ZNF224: variants seen among roughly 807,000 people sequenced by gnomAD.
ZNF224 encodes the protein zinc finger protein 224, also known as bone marrow zinc finger 2.
ZNF224 carries 8 observed loss-of-function variants against 10.5 expected under a neutral mutation model. The observed-to-expected ratio is 0.76, with a 90% confidence interval of 0.45 to 1.37. ZNF224 has a LOEUF of 1.37. ZNF224 is among the 40% of genes most tolerant of loss of function. The pLI, the probability that ZNF224 is intolerant of heterozygous loss-of-function variation, is 0.00. For missense variants in ZNF224, 754 were observed against 854.0 expected (o/e 0.88, Z 1.46); for synonymous variants, 282 against 287.8 (o/e 0.98, Z 0.20).
chr19:44,108,294 G>A lies in ZNF224; in HGVS notation c.*10G>A. 6.3e-7 allele frequency: 1 copy of A among 1,595,910 alleles called. No individual in the cohort carries two copies. Among genetic ancestry groups the A allele is most frequent in the Non-Finnish European group, 8.5e-7 (1 of 1,171,028 alleles). On this transcript the variant is annotated 3_prime_UTR_variant, in exon 6 of 6. Coordinates refer to ENST00000693561, the MANE Select transcript of ZNF224 (RefSeq NM_001321645.3). Reference sequence around the variant, plus strand: ...TGGAGAAAAACCTTAGTGATGTGATGGTGCAATAAAGTCTTCACTCAGTCT... The same window carrying A: ...TGGAGAAAAACCTTAGTGATGTGATAGTGCAATAAAGTCTTCACTCAGTCT...
chr19:44,099,214 A>G (rs1967500200), intron 3 of ZNF224, among the ~76,000 whole-genome samples: 1 of 152,154 alleles, frequency 6.6e-6, no homozygotes, highest in South Asian at 2.1e-4. Flanking sequence ...GGAGGGGGGC[A>G]TCTTCTCTTC....
intron 2 of ZNF224, among the ~76,000 whole-genome samples, chr19:44,096,798 T>A (rs1383681608): frequency 6.6e-6 from 1 of 152,240 alleles, no homozygotes; most frequent in African/African-American, 2.4e-5. Context: ...TGCTTGATAT[T>A]TTTGAAGAGT....
At chr19:44,098,987 TA>T (rs1273714647) in intron 3 of ZNF224, among the ~76,000 whole-genome samples, 16 of 152,352 alleles carry the variant, frequency 1.1e-4, no homozygotes. Context: ...ATCTTCCTCT[TA>T]AACACATGAA....
chr19:44,104,808 C>CATA (rs1967618951), intron 5 of ZNF224, among the ~76,000 whole-genome samples: 1 of 152,096 alleles, frequency 6.6e-6, no homozygotes, highest in Admixed American at 6.5e-5. Flanking sequence ...ACTACAGGCG[C>CATA]CCGCCACCAT....
chr19:44,106,263 TG>T, intron 5 of ZNF224, 132 bp from the exon 6 acceptor site: 1 of 923,314 alleles, frequency 1.1e-6, no homozygotes, highest in Non-Finnish European at 1.6e-6. Context: ...CCAAAGATTA[TG>T]GTGCACTTGA....
rs762041614 is a variant in ZNF224 at position 44,108,197 on chromosome 19, A to G, written c.2037A>G (p.Thr679=). ...AGAGGGTCCACATGGGAGAGAAAAC[A>G]TGGAAGTGTAGGGAGTGTGATATGT... is the stretch of plus-strand genomic sequence containing the variant. ...MHQRVHMGEK[T]WKCRECDMCF... Residue 679 remains threonine (T), a synonymous_variant, in exon 6 of 6, where the codon ACA becomes ACG. Coordinates refer to ENST00000693561, the MANE Select transcript of ZNF224 (RefSeq NM_001321645.3). 2 of 1,614,162 alleles carry G rather than the reference A, an allele frequency of 1.2e-6. No individual in the cohort carries two copies. The highest frequency in any genetic ancestry group is 1.7e-6 in the Non-Finnish European group (2 of 1,179,956).
Position 44,107,242 on chromosome 19 carries a change from C to A in ZNF224, c.1082C>A (p.Thr361Lys). ...KGFICRRDLYTHHMVHTGEKP... is the reference protein window; with the variant it reads ...KGFICRRDLYKHHMVHTGEKP... ...TTTATTTGTAGGCGAGATCTTTATA[C>A]GCATCATATGGTCCACACGGGAGAA... is the stretch of plus-strand genomic sequence containing the variant. Residue 361 changes from threonine (T) to lysine (K), a missense_variant, in exon 6 of 6, where the codon ACG (threonine) becomes AAG (lysine). Thr to Lys is a moderately conservative substitution (Grantham distance 78). Transcript: ENST00000693561. 1.3e-6 allele frequency: 2 copies of A among 1,595,376 alleles called. No individual in the cohort carries two copies. The highest frequency in any genetic ancestry group is 1.7e-6 in the Non-Finnish European group (2 of 1,170,186).
In ZNF224 at chr19:44,107,154, AATAGTC is replaced by A; in HGVS notation, c.997_1002del (p.Ser333_His334del). On this transcript the variant is annotated inframe_deletion, in exon 6 of 6. Coordinates refer to ENST00000693561, the MANE Select transcript of ZNF224 (RefSeq NM_001321645.3). Reference sequence around the variant, plus strand: ...GAGCTTTCGTCAGAGATCAGCACTTAATAGTCATCGCATGATCCACACAGGAGAGAA... The same window carrying A: ...GAGCTTTCGTCAGAGATCAGCACTTAATCGCATGATCCACACAGGAGAGAA... The A allele has an allele frequency of 6.2e-7, 1 of 1,607,536 alleles. No homozygotes were observed. The highest frequency in any genetic ancestry group is 1.7e-5 in the Admixed American group (1 of 59,400).
chr19:44,097,905 T>A lies in ZNF224; in HGVS notation c.15+17T>A. On this transcript the variant is annotated intron_variant, in intron 3 of 5. Transcript: ENST00000693561. ...ACGTTCAAGGTGGGTAGGACTTGCTTCTATTACTCTTAAAATTCCCTCTCA... is the reference window on the plus strand; with the variant it reads ...ACGTTCAAGGTGGGTAGGACTTGCTACTATTACTCTTAAAATTCCCTCTCA... The A allele has an allele frequency of 6.2e-7, 1 of 1,613,846 alleles. No homozygotes were observed. Among genetic ancestry groups the A allele is most frequent in the Non-Finnish European group, 8.5e-7 (1 of 1,179,898 alleles).
chr19:44,103,275 C>G (rs951501183), intron 5 of ZNF224, among the ~76,000 whole-genome samples: 1 of 152,166 alleles, frequency 6.6e-6, no homozygotes, highest in African/African-American at 2.4e-5. Flanking sequence ...TATCCATATT[C>G]CAGCGTGTAC....
At chr19:44,104,284 G>T (rs1195375275) in intron 5 of ZNF224, among the ~76,000 whole-genome samples, 1 of 151,982 alleles carries the variant, frequency 6.6e-6, no homozygotes, top group Non-Finnish European at 1.5e-5. Flanking sequence ...TGAATATGTA[G>T]ATATAAACAC....
rs552259920 is a variant in ZNF224, at chr19:44,097,881, C to T, written c.8C>T (p.Thr3Met). Residue 3 changes from threonine (T) to methionine (M), a missense_variant, in exon 3 of 6, where the codon ACG becomes ATG. Physicochemically the swap from Thr to Met is moderately conservative, Grantham distance 81. Coordinates refer to ENST00000693561, the MANE Select transcript of ZNF224 (RefSeq NM_001321645.3). MT[T>M]FKEAMTFKDV... ...CCAGAAGTAAGAGGGAAAATGACCA[C>T]GTTCAAGGTGGGTAGGACTTGCTTC... 49 of 1,613,938 alleles carry T rather than the reference C, an allele frequency of 3.0e-5. No homozygotes were observed. The highest frequency in any genetic ancestry group is 3.3e-4 in the Middle Eastern group (2 of 6,062).
At chr19:44,095,137 G>T in intron 1 of ZNF224, 1 of 238,664 alleles carries the variant, frequency 4.2e-6, no homozygotes, top group East Asian at 1.0e-4. Context: ...GGACTTCTTG[G>T]CTTCTGAGGG....
At chr19:44,100,497 A>G (rs1227327645) in intron 3 of ZNF224, among the ~76,000 whole-genome samples, 1 of 152,252 alleles carries the variant, frequency 6.6e-6, no homozygotes, top group Non-Finnish European at 1.5e-5. Context: ...AGATTTATCA[A>G]AACATATATA....
rs1967696998 is a variant in ZNF224, at chr19:44,107,282, TAA to T, written c.1124_1125del (p.Lys375ArgfsTer28). 4 of 1,583,714 alleles carry T rather than the reference TAA, an allele frequency of 2.5e-6. No individual in the cohort carries two copies. Among genetic ancestry groups the T allele is most frequent in the East Asian group, 4.5e-5 (2 of 44,708 alleles). ...ACACGGGAGAAAAGCCATATAATTG[TAA>T]AGAGTGTGGGAAGAGCTTCAGATGG... ...VHTGEKPYNC[K>X]ECGKSFRWAS... On this transcript the variant is annotated frameshift_variant, in exon 6 of 6. Transcript: ENST00000693561. LOFTEE classifies it low-confidence loss of function (END_TRUNC).
rs368732146 is a variant in ZNF224, at chr19:44,107,003, C to A, written c.843C>A (p.Ile281=). ...CCCAGCTTCAAGAACATCAGAGAAT[C>A]CATACGGGGGAGAAGCCATTCAAAT... ...HDSQLQEHQR[I]HTGEKPFKCD... Residue 281 remains isoleucine (I), a synonymous_variant, in exon 6 of 6, where the codon ATC becomes ATA. Coordinates refer to ENST00000693561, the MANE Select transcript of ZNF224 (RefSeq NM_001321645.3). 9.3e-6 allele frequency: 15 copies of A among 1,609,790 alleles called. No homozygotes were observed. The highest frequency in any genetic ancestry group is 3.3e-5 in the Admixed American group (2 of 59,836).
intron 5 of ZNF224, among the ~76,000 whole-genome samples, chr19:44,105,088 C>T (rs1379646045): frequency 1.3e-5 from 2 of 152,204 alleles, no homozygotes; most frequent in East Asian, 3.9e-4. Flanking sequence ...CACCTTAAAT[C>T]ACGTTGCTCT....
rs760145856 is a variant in ZNF224 at position 44,106,912 on chromosome 19, A to G, written c.752A>G (p.His251Arg). The change falls in exon 6 of 6, where the codon CAT becomes CGT. Residue 251 changes from histidine (H) to arginine (R), a missense_variant. By Grantham distance (29) the His-to-Arg change is conservative. Coordinates refer to ENST00000693561, the MANE Select transcript of ZNF224 (RefSeq NM_001321645.3). ...FSRRSALNVHHKLHTGEKPYN... is the reference protein window; with the variant it reads ...FSRRSALNVHRKLHTGEKPYN... ...CGTAGATCAGCACTTAATGTTCATC[A>G]TAAATTACACACAGGAGAGAAACCT... 4 of 1,609,126 alleles carry G rather than the reference A, an allele frequency of 2.5e-6. No individual in the cohort carries two copies. The South Asian group carries it at 4.4e-5, about 18-fold the overall frequency.
intron 2 of ZNF224, 92 bp from the exon 3 acceptor site, chr19:44,097,712 CAT>C: frequency 1.4e-6 from 1 of 713,766 alleles, no homozygotes; most frequent in Non-Finnish European, 2.4e-6. Flanking sequence ...TGTGAACAGT[CAT>C]GTGCCAATTC....
Sources: gnomAD v4.1 joint callset for allele counts (sites outside exome capture counted in the v4.1 genomes callset) on GRCh38, gnomAD v4.1.1 for gene constraint, MANE v1.5 for transcripts, NCBI Gene and HGNC (gene_info 2026-07-23, HGNC 2026-07-21) for gene names.